Variants in PHF24 observed in about 807,000 individuals in gnomAD.
The protein encoded by PHF24 is PHD finger protein 24.
PHF24 carries 25 observed loss-of-function variants against 42.6 expected under a neutral mutation model. The ratio of observed to expected loss-of-function variants is 0.59; its 90% CI spans 0.43 to 0.82. The LOEUF (loss-of-function observed/expected upper bound fraction) is 0.82, where lower values mean the gene tolerates loss of function less well. Ranked by LOEUF, PHF24 falls within the 40% of genes least tolerant of loss-of-function variation. The probability of loss-of-function intolerance (pLI) is 0.00; values close to 1 mark genes in which losing one functional copy is unlikely to be tolerated. For synonymous variants in PHF24, 185 were observed against 204.8 expected (o/e 0.90, Z 0.83); for missense variants, 470 against 538.1 (o/e 0.87, Z 1.25).
chr9:34,694,807 C>T, the PHF24 span, among the ~76,000 whole-genome samples: 4 of 152,188 alleles, frequency 2.6e-5, no homozygotes, highest in African/African-American at 7.2e-5. Context: ...AATGGTTTCT[C>T]ACCATTGCTA....
chr9:34,977,702 T>A, intron 7 of PHF24, 61 bp downstream of exon 7: 1 of 1,374,880 alleles, frequency 7.3e-7, no homozygotes, highest in Admixed American at 2.0e-5. Flanking sequence ...AACACACAAG[T>A]AAGAGAGGGC....
upstream of PHF24, among the ~76,000 whole-genome samples, chr9:34,957,274 T>G (rs899867680): frequency 1.3e-5 from 2 of 152,196 alleles, no homozygotes; most frequent in African/African-American, 4.8e-5. Flanking sequence ...AAAAATGACA[T>G]GCATTATATT....
chr9:34,796,953 C>T, the PHF24 span, among the ~76,000 whole-genome samples: 1 of 152,308 alleles, frequency 6.6e-6, no homozygotes, highest in South Asian at 2.1e-4. Flanking sequence ...AACAAACGTC[C>T]ATCCAATGAA....
chr9:34,870,946 A>G, the PHF24 span, among the ~76,000 whole-genome samples: 49 of 152,336 alleles, frequency 3.2e-4, no homozygotes, highest in Admixed American at 1.1e-3. Context: ...TAAGTTTTCA[A>G]TTCATTTGGA....
the PHF24 span, among the ~76,000 whole-genome samples, chr9:34,879,648 T>C: frequency 6.6e-6 from 1 of 151,982 alleles, no homozygotes; most frequent in South Asian, 2.1e-4. Context: ...AAGAGAAGTT[T>C]AGAGAAAAAA....
the PHF24 span, among the ~76,000 whole-genome samples, chr9:34,866,311 G>A: frequency 2.0e-5 from 3 of 152,178 alleles, no homozygotes; most frequent in African/African-American, 7.2e-5. Flanking sequence ...CTGTAGAGCT[G>A]TGTGCCTGCC....
At chr9:34,909,677 A>C in the PHF24 span, among the ~76,000 whole-genome samples, 50 of 150,138 alleles carry the variant, frequency 3.3e-4, no homozygotes, top group Admixed American at 1.3e-3. Context: ...GCTGGAGTGC[A>C]GTGGCGCGAT....
At chr9:34,951,328 C>T in the PHF24 span, among the ~76,000 whole-genome samples, 80 of 152,272 alleles carry the variant, frequency 5.3e-4, 1 homozygote, top group African/African-American at 1.6e-3. Flanking sequence ...TACAAGGGCA[C>T]TATATGGCAA....
At chr9:34,908,365 T>C in the PHF24 span, among the ~76,000 whole-genome samples, 3 of 152,310 alleles carry the variant, frequency 2.0e-5, no homozygotes, top group East Asian at 1.9e-4. Context: ...GGCATTGTTA[T>C]AGTCAAGACG....
At chr9:34,967,572 A>C (rs1463420646) in intron 1 of PHF24, among the ~76,000 whole-genome samples, 1 of 152,228 alleles carries the variant, frequency 6.6e-6, no homozygotes, top group Non-Finnish European at 1.5e-5. Flanking sequence ...TCAAATAAAA[A>C]TATGAAGAAT....
At chr9:34,706,989 A>T in the PHF24 span, among the ~76,000 whole-genome samples, 39 of 152,136 alleles carry the variant, frequency 2.6e-4, 1 homozygote, top group Admixed American at 4.6e-4. Context: ...GCCTTAAAAA[A>T]AAAAAAAAGT....
chr9:34,734,589 C>T, the PHF24 span, among the ~76,000 whole-genome samples: 14 of 152,256 alleles, frequency 9.2e-5, no homozygotes, highest in African/African-American at 3.4e-4. Context: ...CCATAAATCA[C>T]GTATAGGTGA....
the PHF24 span, among the ~76,000 whole-genome samples, chr9:34,704,595 A>G: frequency 1.3e-5 from 2 of 152,130 alleles, no homozygotes; most frequent in Non-Finnish European, 2.9e-5. Context: ...GCACTTTGGG[A>G]GGCCAAGGTG....
the PHF24 span, chr9:34,832,249 TCTC>T: frequency 2.1e-6 from 1 of 471,912 alleles, no homozygotes; most frequent in Non-Finnish European, 3.8e-6. Flanking sequence ...CTCTGTGTGT[TCTC>T]CTTGAGCAGA....
At chr9:34,976,369 C>T in intron 4 of PHF24, 139 bp downstream of exon 4, 1 of 966,720 alleles carries the variant, frequency 1.0e-6, no homozygotes, top group Non-Finnish European at 1.6e-6. Context: ...AGTTGTTGGC[C>T]AGCAGAGTCA....
the PHF24 span, among the ~76,000 whole-genome samples, chr9:34,748,982 T>C: frequency 1.6e-4 from 24 of 152,138 alleles, no homozygotes; most frequent in Non-Finnish European, 2.9e-4. Context: ...AATTCAGAAT[T>C]CTATCAGATA....
the PHF24 span, among the ~76,000 whole-genome samples, chr9:34,792,640 C>T: frequency 6.6e-6 from 1 of 151,474 alleles, no homozygotes; most frequent in African/African-American, 2.4e-5. Flanking sequence ...CACCATTGCA[C>T]TCCAGCCTGG....
chr9:34,755,849 AGTTT>A, the PHF24 span, among the ~76,000 whole-genome samples: 1 of 151,980 alleles, frequency 6.6e-6, no homozygotes, highest in East Asian at 1.9e-4. Context: ...TTAGATGAAT[AGTTT>A]GTTAATATTT....
chr9:34,681,496 T>C, the PHF24 span, among the ~76,000 whole-genome samples: 2 of 152,308 alleles, frequency 1.3e-5, no homozygotes, highest in African/African-American at 2.4e-5. Flanking sequence ...TATCTGAAGA[T>C]GGGGTCTTTA....
Sources: allele counts gnomAD v4.1 joint callset (sites outside exome capture counted in the v4.1 genomes callset), GRCh38; gene constraint gnomAD v4.1.1; transcripts MANE v1.5; gene names NCBI Gene and HGNC (gene_info 2026-07-23, HGNC 2026-07-21).